The following POLR2F variants were observed in gnomAD, a reference collection of about 807,000 sequenced individuals.
The protein encoded by POLR2F is DNA-directed RNA polymerases I, II, and III subunit RPABC2.
In POLR2F, 12 loss-of-function variants were observed where a neutral mutation model predicts 22.7. The ratio of observed to expected loss-of-function variants is 0.53; its 90% confidence interval spans 0.34 to 0.86. POLR2F has a LOEUF of 0.86. Ranked by LOEUF, POLR2F falls within the 40% of genes least tolerant of loss-of-function variation. The probability of loss-of-function intolerance (pLI) is 0.02; values close to 1 mark genes in which losing one functional copy is unlikely to be tolerated. For synonymous variants in POLR2F, 57 were observed against 66.0 expected (o/e 0.86, Z 0.66); for missense variants, 126 against 171.5 (o/e 0.73, Z 1.48).
rs1345037382 is a variant in POLR2F at position 37,980,516 on chromosome 22, A to G, written c.293+13346A>G. Among the ~76,000 whole-genome samples the G allele has an allele frequency of 6.6e-6, 1 of 152,086 alleles. No individual in the cohort carries two copies. The highest frequency in any genetic ancestry group is 1.5e-5 in the Non-Finnish European group (1 of 68,012). On this transcript the variant is annotated intron_variant, in intron 4 of 4. Transcript: ENST00000405557. The surrounding 1 kb of genome is among the most constrained non-coding windows in gnomAD (Gnocchi z 4.1). Reference sequence around the variant, plus strand: ...GAAATCTAAGCCTGGGGCCACTGCCATCCCCGACCCCAGCTCCCTCCTCCA... The same window carrying G: ...GAAATCTAAGCCTGGGGCCACTGCCGTCCCCGACCCCAGCTCCCTCCTCCA...
intron 1 of POLR2F, among the ~76,000 whole-genome samples, chr22:38,012,591 T>C (rs1175740026): frequency 6.6e-6 from 1 of 152,002 alleles, no homozygotes; most frequent in East Asian, 1.9e-4. Context: ...ATTAATGTCG[T>C]TGTTGTTGTT....
chr22:38,030,526 A>G (rs3026667), downstream of POLR2F, among the ~76,000 whole-genome samples: 4 of 152,162 alleles, frequency 2.6e-5, no homozygotes, highest in African/African-American at 9.7e-5. Flanking sequence ...TTTGCCCAAG[A>G]CTGCTAGTGC....
chr22:38,034,486 C>T lies in POLR2F; in HGVS notation c.453-6582C>T, dbSNP rs530243143. On this transcript the variant is annotated intron_variant, in intron 5 of 5. Transcript: ENST00000407936. ...GGGATAATGCAAAACCAGCGACCTC[C>T]TGCACCAGCTCTAAGGAGACCGAAG... Among the ~76,000 whole-genome samples the T allele has an allele frequency of 2.0e-5, 3 of 152,340 alleles. No homozygotes were observed. The East Asian group carries it at 5.8e-4, about 29-fold the overall frequency.
chr22:37,959,277 C>T, intron 2 of POLR2F, 69 bp from the exon 3 acceptor site: 1 of 1,519,924 alleles, frequency 6.6e-7, no homozygotes, highest in Non-Finnish European at 9.1e-7. Context: ...TGATTGTTGT[C>T]ATTATCACTC....
intron 1 of POLR2F, among the ~76,000 whole-genome samples, chr22:38,020,187 A>G (rs918115449): frequency 6.9e-6 from 1 of 144,386 alleles, no homozygotes; most frequent in African/African-American, 2.6e-5. Flanking sequence ...TGTCTCTGCT[A>G]AATACACACA....
At chr22:38,006,262 G>T (rs3026662) in intron 1 of POLR2F, among the ~76,000 whole-genome samples, 6 of 152,100 alleles carry the variant, frequency 3.9e-5, no homozygotes, top group Non-Finnish European at 7.4e-5. Flanking sequence ...CTGCAAAAAC[G>T]CTGGTCTAGA....
chr22:37,968,868 G>A lies in POLR2F; in HGVS notation c.*1153G>A. 2 of 985,532 alleles carry A rather than the reference G, an allele frequency of 2.0e-6. No homozygotes were observed. Among genetic ancestry groups the A allele is most frequent in the Non-Finnish European group, 2.4e-6 (2 of 830,008 alleles). The allele number at this position is 985,532 out of a possible 1,614,324, so 61.0% of individuals were successfully genotyped here. On this transcript the variant is annotated 3_prime_UTR_variant, in exon 5 of 5. Transcript: ENST00000442738. ...GAATGGTGAGGATCTGCATTGGTGG[G>A]AGGGGTGTCCGCTGCCCTGGAGAAG...
intron 5 of POLR2F, chr22:38,032,760 G>A (rs2085078686): frequency 6.6e-6 from 1 of 152,558 alleles, no homozygotes; most frequent in Non-Finnish European, 1.5e-5. Flanking sequence ...AGTCGAGCTG[G>A]GTCTTGAGGA....
chr22:37,974,068 C>A, downstream of POLR2F: 1 of 1,614,076 alleles, frequency 6.2e-7, no homozygotes, highest in Non-Finnish European at 8.5e-7. This position sits in a 1 kb window ranked among gnomAD's most constrained non-coding sequence, Gnocchi z 5.4. Flanking sequence ...CACCAATGTC[C>A]ACGTTGCCGA....
chr22:37,966,345 C>T (rs972510077), intron 3 of POLR2F, among the ~76,000 whole-genome samples: 1 of 152,000 alleles, frequency 6.6e-6, no homozygotes, highest in African/African-American at 2.4e-5. Context: ...CCAGACTGCA[C>T]TCTGGCCTGA....
In POLR2F at chr22:38,016,861, G is replaced by C. The variant is rs2084920408; in HGVS notation, c.121-9008G>C. 6.6e-6 allele frequency among the ~76,000 whole-genome samples: 1 copy of C among 152,106 alleles called. No individual in the cohort carries two copies. Among genetic ancestry groups the C allele is most frequent in the Admixed American group, 6.5e-5 (1 of 15,276 alleles). On this transcript the variant is annotated intron_variant, in intron 1 of 2. Coordinates refer to the POLR2F transcript ENST00000333418. This position sits in a 1 kb window ranked among gnomAD's most constrained non-coding sequence, Gnocchi z 4.4. ...AAAAAAAAAGATACAAGCTGGGGAGGGAAGAGGAGGGCAGAAAAGAAAGAG... is the reference window on the plus strand; with the variant it reads ...AAAAAAAAAGATACAAGCTGGGGAGCGAAGAGGAGGGCAGAAAAGAAAGAG...
At chr22:38,006,491 C>T (rs947868879) in intron 1 of POLR2F, among the ~76,000 whole-genome samples, 3 of 152,312 alleles carry the variant, frequency 2.0e-5, no homozygotes, top group East Asian at 1.9e-4. Flanking sequence ...GGCCAGGCGC[C>T]GAGGCACATG....
chr22:38,008,242 C>T (rs1290965897), intron 1 of POLR2F, among the ~76,000 whole-genome samples: 1 of 150,566 alleles, frequency 6.6e-6, no homozygotes, highest in East Asian at 2.0e-4. Context: ...TGTCTCAAAA[C>T]AAAACAAAAA....
At chr22:38,041,165 GTGC>G, downstream of POLR2F, 1 of 1,611,248 alleles carries the variant, frequency 6.2e-7, no homozygotes, top group Non-Finnish European at 8.5e-7. Context: ...CTGGTGACTA[GTGC>G]TGGTGGTGGG....
At chr22:38,020,057 G>A (rs1429142560) in intron 1 of POLR2F, among the ~76,000 whole-genome samples, 2 of 151,692 alleles carry the variant, frequency 1.3e-5, no homozygotes, top group Non-Finnish European at 2.9e-5. Flanking sequence ...CAGAAGTCCA[G>A]GTCCAGGTGG....
At chr22:37,985,852 CAT>C (rs1555940152), upstream of POLR2F, among the ~76,000 whole-genome samples, 2 of 148,646 alleles carry the variant, frequency 1.3e-5, no homozygotes, top group African/African-American at 5.0e-5. Flanking sequence ...CACACACACA[CAT>C]GCTCACACAC....
chr22:37,959,809 T>G (rs1355189200), intron 3 of POLR2F, among the ~76,000 whole-genome samples: 1 of 151,214 alleles, frequency 6.6e-6, no homozygotes, highest in East Asian at 1.9e-4. Context: ...TGTAGTTTTT[T>G]TTTTTTTTTT....
chr22:38,040,498 G>A (rs1326211493), intron 5 of POLR2F: 3 of 154,892 alleles, frequency 1.9e-5, no homozygotes, highest in Non-Finnish European at 4.3e-5. Flanking sequence ...GGAAGGTCTG[G>A]GGACTAGATC....
intron 1 of POLR2F, among the ~76,000 whole-genome samples, chr22:38,015,702 G>A (rs2084910297): frequency 6.6e-6 from 1 of 152,084 alleles, no homozygotes; most frequent in Non-Finnish European, 1.5e-5. Context: ...AGAAAGACAG[G>A]GGAGTTATGA....
Sources: allele counts gnomAD v4.1 joint callset (sites outside exome capture counted in the v4.1 genomes callset), GRCh38; gene constraint gnomAD v4.1.1; non-coding constraint Gnocchi (gnomAD v3.1); transcripts MANE v1.5; gene names NCBI Gene and HGNC (gene_info 2026-07-23, HGNC 2026-07-21).